Variants in FIGLA observed in about 807,000 individuals in gnomAD.
FIGLA encodes folliculogenesis specific bHLH transcription factor, also known as factor in the germline alpha.
In FIGLA, 17 loss-of-function variants were observed where a neutral mutation model predicts 21.5. That is an observed-to-expected ratio of 0.79 (90% confidence interval 0.54 to 1.19). The LOEUF (loss-of-function observed/expected upper bound fraction) is 1.19. FIGLA is among the 50% of genes most tolerant of loss of function. FIGLA has a pLI of 0.00. For missense variants in FIGLA, 282 were observed against 285.0 expected (o/e 0.99, Z 0.08); for synonymous variants, 129 against 117.6 (o/e 1.10, Z -0.63).
At chr2:70,787,552 G>T in intron 2 of FIGLA, 97 bp downstream of exon 2, 1 of 1,251,388 alleles carries the variant, frequency 8.0e-7, no homozygotes. Flanking sequence ...TAAACCTTAA[G>T]TGGAAAGTAT....
At chr2:70,789,592 C>A (rs7561628) in intron 1 of FIGLA, among the ~76,000 whole-genome samples, 45,062 of 151,830 alleles carry the variant, frequency 0.3, 7,181 homozygotes, top group East Asian at 0.62. Flanking sequence ...GGAACAGCCC[C>A]GGGCGGTACT....
chr2:70,777,795 A>G (rs1286737737), intron 3 of FIGLA, 124 bp from the exon 4 acceptor site: 1 of 497,840 alleles, frequency 2.0e-6, no homozygotes. Flanking sequence ...AATGGGTCAC[A>G]TAAACATGCC....
intron 1 of FIGLA, 35 bp downstream of exon 1, chr2:70,790,373 G>C (rs1676038600): frequency 6.7e-7 from 1 of 1,490,846 alleles, no homozygotes; most frequent in African/African-American, 1.4e-5. Flanking sequence ...GAGCAGGGAA[G>C]GGGGGAACGG....
chr2:70,784,387 C>T (rs1038521978), intron 3 of FIGLA, among the ~76,000 whole-genome samples: 1 of 152,154 alleles, frequency 6.6e-6, no homozygotes, highest in Non-Finnish European at 1.5e-5. Flanking sequence ...GGTATCTATC[C>T]AAGTGACGTG....
intron 3 of FIGLA, among the ~76,000 whole-genome samples, chr2:70,781,330 G>C (rs1675851817): frequency 1.3e-5 from 2 of 152,110 alleles, no homozygotes; most frequent in South Asian, 4.1e-4. Context: ...TACAAGATGA[G>C]CTTGGAACAC....
chr2:70,787,863 G>A, intron 1 of FIGLA, 62 bp from the exon 2 acceptor site: 2 of 1,543,252 alleles, frequency 1.3e-6, no homozygotes, highest in Non-Finnish European at 1.8e-6. Flanking sequence ...ATCTCCCCAA[G>A]CTACAGAAGG....
At chr2:70,787,516 G>C (rs1326901152) in intron 2 of FIGLA, 133 bp downstream of exon 2, 1 of 946,058 alleles carries the variant, frequency 1.1e-6, no homozygotes, top group Non-Finnish European at 1.5e-6. Flanking sequence ...TGTCAAATAA[G>C]GGTCATAAAA....
At chr2:70,782,841 G>A (rs1675880200) in intron 3 of FIGLA, among the ~76,000 whole-genome samples, 1 of 152,078 alleles carries the variant, frequency 6.6e-6, no homozygotes, top group Non-Finnish European at 1.5e-5. Flanking sequence ...GGCTGAGGTG[G>A]GCAGATCACG....
Position 70,785,598 on chromosome 2 carries a change from A to G in FIGLA, c.426T>C (p.Ser142=). The change falls in exon 3 of 5, where the codon TCT becomes TCC. Residue 142 remains serine (S), a synonymous_variant. Coordinates refer to ENST00000332372, the MANE Select transcript of FIGLA (RefSeq NM_001004311.3). The stretch of plus-strand genomic sequence containing the variant: ...GTCTTGCCGAGGATGTATGTGATTC[A>G]GAACTGTTGTTACTATAGCTCTGCT... ...PDEQSYSNNS[S]ESHTSSARQL... The G allele has an allele frequency of 6.2e-7, 1 of 1,614,016 alleles. No individual in the cohort carries two copies. Among genetic ancestry groups the G allele is most frequent in the Non-Finnish European group, 8.5e-7 (1 of 1,179,888 alleles).
intron 3 of FIGLA, among the ~76,000 whole-genome samples, chr2:70,779,940 C>G (rs1485981740): frequency 6.6e-6 from 1 of 152,172 alleles, no homozygotes; most frequent in Non-Finnish European, 1.5e-5. Flanking sequence ...TCTAGCAATG[C>G]CAACCCCAAT....
rs909791871 is a variant in FIGLA at position 70,782,990 on chromosome 2, G to A, written c.609+2425C>T. Among the ~76,000 whole-genome samples the A allele has an allele frequency of 5.3e-5, 8 of 151,792 alleles. No homozygotes were observed. In the South Asian group the frequency reaches 8.3e-4, roughly 16 times the overall value. The stretch of plus-strand genomic sequence containing the variant: ...GGAGAGTTACTTGAACCCGGGAGGC[G>A]GAGGTTGCAGTGAGTCGAGATGGTG... On this transcript the variant is annotated intron_variant, in intron 3 of 4. Transcript: ENST00000332372.
rs1553388482 is a variant in FIGLA, at chr2:70,777,472, T to C, written c.645-90A>G. 27 of 1,338,880 alleles carry C rather than the reference T, an allele frequency of 2.0e-5. No individual in the cohort carries two copies. The South Asian group carries it at 3.8e-4, about 19-fold the overall frequency. The allele number at this position is 1,338,880 out of a possible 1,614,324, so 82.9% of individuals were successfully genotyped here. On this transcript the variant is annotated intron_variant, in intron 4 of 4. Coordinates refer to ENST00000332372, the MANE Select transcript of FIGLA (RefSeq NM_001004311.3). ...AGAAATATGCAAAAAATTAATTTTA[T>C]TAGTAATCAAAGATGTTTAAATTTA...
Position 70,787,608 on chromosome 2 carries a change from T to C in FIGLA, c.384+41A>G, listed in dbSNP as rs782412170. Reference sequence around the variant, plus strand: ...TGTCTCGTACATAGAAAAGGCCTAATAAATGGTGGCTATCATTATTCTAAA... The same window carrying C: ...TGTCTCGTACATAGAAAAGGCCTAACAAATGGTGGCTATCATTATTCTAAA... On this transcript the variant is annotated intron_variant, in intron 2 of 4. Coordinates refer to ENST00000332372, the MANE Select transcript of FIGLA (RefSeq NM_001004311.3). The C allele has an allele frequency of 2.6e-6, 4 of 1,539,916 alleles. No homozygotes were observed. In the East Asian group the frequency reaches 9.8e-5, roughly 38 times the overall value.
intron 1 of FIGLA, among the ~76,000 whole-genome samples, chr2:70,789,823 T>A (rs540555047): frequency 1.3e-5 from 2 of 152,066 alleles, no homozygotes; most frequent in African/African-American, 4.8e-5. Context: ...CGTTTGCGAG[T>A]TGCTGCGGCT....
At chr2:70,779,344 G>A (rs115935288) in intron 3 of FIGLA, among the ~76,000 whole-genome samples, 12 of 152,152 alleles carry the variant, frequency 7.9e-5, no homozygotes, top group Non-Finnish European at 1.5e-4. Context: ...GCAGATGACT[G>A]TGCTTCTCAA....
chr2:70,786,384 A>G (rs1675957377), intron 2 of FIGLA, among the ~76,000 whole-genome samples: 1 of 151,892 alleles, frequency 6.6e-6, no homozygotes, highest in African/African-American at 2.4e-5. Flanking sequence ...GCTCACTGCA[A>G]GCTCCGCCTC....
Position 70,785,508 on chromosome 2 carries a change from C to T in FIGLA, c.516G>A (p.Gly172=). ...CAFGLKNEEE[G]PWADGGSGEP... ...CACCACTGCCACCATCTGCCCAAGGCCCTTCCTCTTCATTCTTCAAGCCGA... is the reference window on the plus strand; with the variant it reads ...CACCACTGCCACCATCTGCCCAAGGTCCTTCCTCTTCATTCTTCAAGCCGA... The change falls in exon 3 of 5, where the codon GGG becomes GGA. Residue 172 remains glycine, a synonymous_variant. Coordinates refer to ENST00000332372, the MANE Select transcript of FIGLA (RefSeq NM_001004311.3). 3 of 1,613,954 alleles carry T rather than the reference C, an allele frequency of 1.9e-6. No homozygotes were observed. The highest frequency in any genetic ancestry group is 2.5e-6 in the Non-Finnish European group (3 of 1,179,886).
chr2:70,789,157 TA>T (rs1553390469), intron 1 of FIGLA, among the ~76,000 whole-genome samples: 1 of 31,484 alleles, frequency 3.2e-5, no homozygotes, highest in African/African-American at 4.4e-4. Context: ...TTGTAAAAAT[TA>T]TATATATATA....
In FIGLA at chr2:70,777,687, A is replaced by G. The variant is rs1553388528; in HGVS notation, c.610-16T>C. The G allele has an allele frequency of 5.4e-6, 7 of 1,292,096 alleles. No homozygotes were observed. Among genetic ancestry groups the G allele is most frequent in the Non-Finnish European group, 6.7e-6 (6 of 894,226 alleles). 80.0% of individuals were successfully genotyped at this position (1,292,096 alleles called of 1,614,324 possible). A position where few individuals can be genotyped will look rare whatever the true frequency, so the allele number is the denominator to read the frequency against. On this transcript the variant is annotated splice_polypyrimidine_tract_variant and intron_variant, in intron 3 of 4. Coordinates refer to ENST00000332372, the MANE Select transcript of FIGLA (RefSeq NM_001004311.3). ...GGAATCTATCCTGCAAAAACAATAC[A>G]AAATACAGAAAGGGCTAAACACATC...
Sources: allele counts gnomAD v4.1 joint callset (sites outside exome capture counted in the v4.1 genomes callset), GRCh38; gene constraint gnomAD v4.1.1; transcripts MANE v1.5; gene names NCBI Gene and HGNC (gene_info 2026-07-23, HGNC 2026-07-21).